KAT2B: variants seen among roughly 807,000 people sequenced by gnomAD.
KAT2B encodes the protein histone acetyltransferase KAT2B.
Under a neutral mutation model 105.9 loss-of-function variants are expected in KAT2B, and 36 were observed. That is an observed-to-expected ratio of 0.34 (90% confidence interval 0.26 to 0.45). KAT2B has a LOEUF of 0.45. KAT2B is among the 20% of genes least tolerant of loss of function. KAT2B has a pLI of 1.00. For missense variants in KAT2B, 820 were observed against 1,021.6 expected, an observed-to-expected ratio of 0.80 and a Z score of 2.69; for synonymous variants, 397 against 377.9, an observed-to-expected ratio of 1.05 and a Z score of -0.59.
intron 1 of KAT2B, among the ~76,000 whole-genome samples, chr3:20,051,314 A>G (rs1050817227): frequency 1.3e-5 from 2 of 152,050 alleles, no homozygotes; most frequent in African/African-American, 2.4e-5. Flanking sequence ...AGGTGGGTGC[A>G]TGTGGGCTGA....
intron 8 of KAT2B, 22 bp from the exon 9 acceptor site, chr3:20,122,646 C>G (rs767470394): frequency 2.1e-5 from 34 of 1,600,574 alleles, no homozygotes; most frequent in Non-Finnish European, 2.9e-5. Context: ...CCATTGTTTG[C>G]CTTTTATTTT....
Position 20,153,021 on chromosome 3 carries a change from T to A in KAT2B, c.*496T>A, listed in dbSNP as rs1699895342. On this transcript the variant is annotated 3_prime_UTR_variant, in exon 18 of 18. Transcript: ENST00000263754. ...GAAATATGTGATGTTTGAAGTCTCT[T>A]TATAGACTTTTTATATATATTTTTT... 1 of 152,730 alleles carries A rather than the reference T, an allele frequency of 6.5e-6. No individual in the cohort carries two copies. Among genetic ancestry groups the A allele is most frequent in the African/African-American group, 2.4e-5 (1 of 41,460 alleles). The allele number at this position is 152,730 out of a possible 1,614,324, so 9.5% of individuals were successfully genotyped here. A position where few individuals can be genotyped will look rare whatever the true frequency, so the allele number is the denominator to read the frequency against.
At chr3:20,049,554 A>C (rs1467117682) in intron 1 of KAT2B, among the ~76,000 whole-genome samples, 1 of 152,152 alleles carries the variant, frequency 6.6e-6, no homozygotes, top group African/African-American at 2.4e-5. Context: ...AAACTTTCGC[A>C]TGGGGTAGAG....
rs541622725 is a variant in KAT2B, at chr3:20,128,811, C to T, written c.1749+1262C>T. Among the ~76,000 whole-genome samples, 202 of 151,854 alleles carry T rather than the reference C, an allele frequency of 1.3e-3. 1 individual carries two copies. The highest frequency in any genetic ancestry group is 4.6e-3 in the African/African-American group (190 of 41,438). On this transcript the variant is annotated intron_variant, in intron 11 of 17. Coordinates refer to ENST00000263754, the MANE Select transcript of KAT2B (RefSeq NM_003884.5). The stretch of plus-strand genomic sequence containing the variant: ...TCTCCTGAGATCAGGAGTTTGAGAC[C>T]AGCCTGACCAATGTGGTAAAACCCT...
At chr3:20,137,429 G>C (rs1371879977) in intron 12 of KAT2B, 1 of 165,414 alleles carries the variant, frequency 6.0e-6, no homozygotes, top group African/African-American at 2.4e-5. Flanking sequence ...CAGCAGAAAG[G>C]AAATCCTGGA....
chr3:20,103,428 G>T (rs1286612097), intron 5 of KAT2B, among the ~76,000 whole-genome samples: 1 of 151,912 alleles, frequency 6.6e-6, no homozygotes, highest in Non-Finnish European at 1.5e-5. Context: ...ATTTTTTTTA[G>T]AGATGGTGTC....
chr3:20,117,563 A>C (rs564397916), intron 7 of KAT2B, among the ~76,000 whole-genome samples: 38 of 152,338 alleles, frequency 2.5e-4, no homozygotes, highest in African/African-American at 8.7e-4. Flanking sequence ...CTGGCACTTT[A>C]GTATATTCTG....
At chr3:20,105,433 GA>G (rs1408625949) in intron 5 of KAT2B, among the ~76,000 whole-genome samples, 1 of 152,148 alleles carries the variant, frequency 6.6e-6, no homozygotes, top group Non-Finnish European at 1.5e-5. Flanking sequence ...GAATTGTGTA[GA>G]ACTTTTGAAA....
intron 1 of KAT2B, among the ~76,000 whole-genome samples, chr3:20,056,254 A>G (rs1016999195): frequency 6.6e-6 from 1 of 152,212 alleles, no homozygotes; most frequent in African/African-American, 2.4e-5. Flanking sequence ...GTAAGGGTAG[A>G]GGCAACAGGA....
chr3:20,069,615 G>A (rs911823963), intron 1 of KAT2B, among the ~76,000 whole-genome samples: 2 of 150,054 alleles, frequency 1.3e-5, no homozygotes, highest in African/African-American at 2.5e-5. Flanking sequence ...AACCTCTGCC[G>A]CCCGGGTTCA....
chr3:20,132,023 A>C (rs1330007418), intron 11 of KAT2B, among the ~76,000 whole-genome samples: 1 of 152,220 alleles, frequency 6.6e-6, no homozygotes, highest in Non-Finnish European at 1.5e-5. Flanking sequence ...AAAACACAAG[A>C]TAACATATGA....
intron 2 of KAT2B, among the ~76,000 whole-genome samples, chr3:20,082,790 C>G (rs1019598799): frequency 6.6e-6 from 1 of 152,146 alleles, no homozygotes; most frequent in Admixed American, 6.5e-5. Context: ...TCCCTCCCCA[C>G]CAAATACGTA....
intron 10 of KAT2B, 110 bp from the exon 11 acceptor site, chr3:20,127,313 A>G (rs1699423608): frequency 4.1e-6 from 4 of 977,536 alleles, no homozygotes; most frequent in Non-Finnish European, 6.2e-6. Flanking sequence ...AAGTTTCTAT[A>G]GAAACTTAGG....
intron 12 of KAT2B, among the ~76,000 whole-genome samples, chr3:20,138,361 G>T (rs1376245190): frequency 7.0e-6 from 1 of 142,168 alleles, no homozygotes; most frequent in African/African-American, 2.9e-5. Context: ...CTAGGATTTT[G>T]TTGTAGAAAT....
At chr3:20,149,043 C>T (rs1176044422) in intron 17 of KAT2B, 1 of 151,984 alleles carries the variant, frequency 6.6e-6, no homozygotes, top group Non-Finnish European at 1.5e-5. Context: ...GTCTCATATC[C>T]AAAATCAAAC....
At chr3:20,148,906 A>G (rs1043648042) in intron 17 of KAT2B, 1 of 160,198 alleles carries the variant, frequency 6.2e-6, no homozygotes, top group African/African-American at 2.4e-5. Flanking sequence ...TAATGAAAGA[A>G]GTTAGATTAA....
chr3:20,148,744 C>T, intron 17 of KAT2B: 1 of 377,942 alleles, frequency 2.6e-6, no homozygotes, highest in Non-Finnish European at 4.7e-6. Context: ...ACGGTAACTG[C>T]AGACAGCACT....
chr3:20,055,809 A>T (rs1006332975), intron 1 of KAT2B, among the ~76,000 whole-genome samples: 1 of 152,192 alleles, frequency 6.6e-6, no homozygotes, highest in African/African-American at 2.4e-5. Flanking sequence ...GCTCCTTGCC[A>T]TTCAAGTCTC....
intron 7 of KAT2B, among the ~76,000 whole-genome samples, chr3:20,116,546 G>A (rs1292946849): frequency 6.6e-6 from 1 of 152,056 alleles, no homozygotes; most frequent in Non-Finnish European, 1.5e-5. Flanking sequence ...CTTTTAAAAA[G>A]CTCCCCAGGT....
Sources: gnomAD v4.1 joint callset for allele counts (sites outside exome capture counted in the v4.1 genomes callset) on GRCh38, gnomAD v4.1.1 for gene constraint, MANE v1.5 for transcripts, NCBI Gene and HGNC (gene_info 2026-07-23, HGNC 2026-07-21) for gene names.